CTNNA2: variants seen among roughly 807,000 people sequenced by gnomAD.
The protein encoded by CTNNA2 is catenin alpha 2.
A neutral mutation model predicts 101.0 loss-of-function variants in CTNNA2; 42 were observed. That is an observed-to-expected ratio of 0.42 (90% confidence interval 0.32 to 0.54). CTNNA2 has a LOEUF of 0.54. Ranked by LOEUF, CTNNA2 falls within the 20% of genes least tolerant of loss-of-function variation. CTNNA2 has a pLI of 0.14. For missense variants in CTNNA2, 871 were observed against 1,223.1 expected (o/e 0.71, Z 4.29); for synonymous variants, 450 against 456.4 (o/e 0.99, Z 0.18).
At chr2:79,309,477 G>A (rs1160156180) in intron 2 of CTNNA2, among the ~76,000 whole-genome samples, 1 of 152,150 alleles carries the variant, frequency 6.6e-6, no homozygotes, top group Non-Finnish European at 1.5e-5. Context: ...AAAAAGGACT[G>A]AAGAATGCAG....
At chr2:79,862,465 C>T (rs952012922) in intron 4 of CTNNA2, among the ~76,000 whole-genome samples, 1 of 152,144 alleles carries the variant, frequency 6.6e-6, no homozygotes, top group Non-Finnish European at 1.5e-5. Context: ...TAATGTGGCT[C>T]TTGTGTTTGA....
intron 9 of CTNNA2, among the ~76,000 whole-genome samples, chr2:80,420,848 G>A (rs1288988887): frequency 3.3e-5 from 5 of 152,186 alleles, no homozygotes; most frequent in African/African-American, 7.2e-5. Flanking sequence ...AAAAGCCTTG[G>A]CCACAATAAT....
intron 13 of CTNNA2, chr2:80,575,137 ATTTC>A (rs1432494193): frequency 1.3e-5 from 2 of 152,162 alleles, no homozygotes; most frequent in African/African-American, 4.8e-5. Context: ...AATAATCTTT[ATTTC>A]TTCAAATATA....
chr2:80,368,869 A>G lies in CTNNA2; in HGVS notation c.1057-24342A>G, dbSNP rs369108066. Among the ~76,000 whole-genome samples, 403 of 128,798 alleles carry G rather than the reference A, an allele frequency of 3.1e-3. 2 individuals are homozygous for G. The highest frequency in any genetic ancestry group is 7.8e-3 in the Middle Eastern group (2 of 256). The allele number at this position is 128,798 out of a possible 152,430, so 84.5% of individuals were successfully genotyped here. ...TATATGTGTGTGTGTGTGTGTGTGT[A>G]TATATATATATATATTTGGCACGCT... On this transcript the variant is annotated intron_variant, in intron 7 of 18. Coordinates refer to ENST00000402739, the MANE Select transcript of CTNNA2 (RefSeq NM_001282597.3).
chr2:80,330,991 G>A (rs1405075338), intron 7 of CTNNA2, among the ~76,000 whole-genome samples: 1 of 149,800 alleles, frequency 6.7e-6, no homozygotes, highest in African/African-American at 2.5e-5. Context: ...ATGCCTATTA[G>A]CAAATTCAGA....
At chr2:80,114,158 C>G (rs1017930350) in intron 7 of CTNNA2, among the ~76,000 whole-genome samples, 1 of 152,174 alleles carries the variant, frequency 6.6e-6, no homozygotes, top group East Asian at 1.9e-4. Context: ...GTATATCTGT[C>G]TCTTCCTCCT....
intron 9 of CTNNA2, among the ~76,000 whole-genome samples, chr2:80,480,377 C>T (rs1014020188): frequency 6.6e-6 from 1 of 151,592 alleles, no homozygotes; most frequent in African/African-American, 2.4e-5. Context: ...AAAATAAAAG[C>T]CCCAATTTTA....
Position 80,302,473 on chromosome 2 carries a change from G to T in CTNNA2, c.1057-90738G>T. 6.2e-7 allele frequency: 1 copy of T among 1,614,082 alleles called. No homozygotes were observed. The highest frequency in any genetic ancestry group is 1.1e-5 in the South Asian group (1 of 91,088). On this transcript the variant is annotated intron_variant, in intron 7 of 18. Transcript: ENST00000402739. The surrounding 1 kb of genome is among the most constrained non-coding windows in gnomAD (Gnocchi z 6.4). ...TGAGGCTGGCTGGGAAACACTTCCAGGACACGTAGAGCACCAGGACCACGA... is the reference window on the plus strand; with the variant it reads ...TGAGGCTGGCTGGGAAACACTTCCATGACACGTAGAGCACCAGGACCACGA...
At chr2:79,376,599 A>G (rs1341616397) in intron 4 of CTNNA2, among the ~76,000 whole-genome samples, 2 of 151,904 alleles carry the variant, frequency 1.3e-5, no homozygotes, top group Non-Finnish European at 2.9e-5. Flanking sequence ...CTCCTCATTT[A>G]ACATTAGGTA....
chr2:79,658,878 G>T (rs889195366), intron 2 of CTNNA2, among the ~76,000 whole-genome samples: 7 of 152,038 alleles, frequency 4.6e-5, no homozygotes, highest in African/African-American at 1.2e-4. Context: ...TTAGGCTCTG[G>T]TGAATTTTAT....
intron 6 of CTNNA2, 98 bp from the exon 7 acceptor site, chr2:79,909,496 C>G (rs1453696536): frequency 5.2e-6 from 5 of 968,564 alleles, no homozygotes; most frequent in African/African-American, 1.6e-5. Flanking sequence ...CTTGGGGACT[C>G]CTGTTCTTGC....
At chr2:80,510,664 A>G (rs1232583542) in intron 9 of CTNNA2, among the ~76,000 whole-genome samples, 3 of 152,232 alleles carry the variant, frequency 2.0e-5, no homozygotes, top group African/African-American at 7.2e-5. Flanking sequence ...ATCATTTGTT[A>G]TAGTGGCATT....
At chr2:79,959,050 T>A (rs1478522166) in intron 7 of CTNNA2, among the ~76,000 whole-genome samples, 1 of 97,464 alleles carries the variant, frequency 1.0e-5, no homozygotes, top group African/African-American at 3.7e-5. Flanking sequence ...TGTAGCTCCG[T>A]TTTTTTTTCT....
At chr2:80,245,447 A>G (rs1671247217) in intron 7 of CTNNA2, among the ~76,000 whole-genome samples, 2 of 152,184 alleles carry the variant, frequency 1.3e-5, no homozygotes, top group Admixed American at 6.5e-5. Context: ...GGGGGTGAAT[A>G]TTTAGATCAC....
At chr2:79,905,342 A>G (rs1286144759) in intron 6 of CTNNA2, among the ~76,000 whole-genome samples, 1 of 152,230 alleles carries the variant, frequency 6.6e-6, no homozygotes, top group Admixed American at 6.5e-5. Flanking sequence ...ACAATGTAAG[A>G]TGGAACTAAA....
intron 4 of CTNNA2, among the ~76,000 whole-genome samples, chr2:79,464,655 G>C (rs1670914806): frequency 6.6e-6 from 1 of 152,088 alleles, no homozygotes. Flanking sequence ...GTTGTTTCCT[G>C]ACTTTTTAAT....
chr2:79,405,338 A>AT (rs1678330176), intron 4 of CTNNA2, among the ~76,000 whole-genome samples: 2 of 151,820 alleles, frequency 1.3e-5, no homozygotes, highest in Admixed American at 1.3e-4. Context: ...TTTTATTTTT[A>AT]TTTTTGCAAT....
chr2:79,839,554 C>G (rs1679644040), intron 3 of CTNNA2, among the ~76,000 whole-genome samples: 1 of 151,974 alleles, frequency 6.6e-6, no homozygotes, highest in Non-Finnish European at 1.5e-5. Flanking sequence ...TAGACTTATG[C>G]TAGAAAATTC....
At chr2:79,280,663 A>AGAG (rs1238782976) in intron 2 of CTNNA2, among the ~76,000 whole-genome samples, 22 of 49,370 alleles carry the variant, frequency 4.5e-4, no homozygotes, top group South Asian at 1.6e-3. Flanking sequence ...GTGTAAGAGA[A>AGAG]AGAGAGAGAG....
Sources: gnomAD v4.1 joint callset for allele counts (sites outside exome capture counted in the v4.1 genomes callset) on GRCh38, gnomAD v4.1.1 for gene constraint, Gnocchi (gnomAD v3.1) non-coding constraint, MANE v1.5 for transcripts, NCBI Gene and HGNC (gene_info 2026-07-23, HGNC 2026-07-21) for gene names.